OSBPL10: variants seen among roughly 807,000 people sequenced by gnomAD.
The protein encoded by OSBPL10 is oxysterol binding protein like 10, also known as oxysterol-binding protein-related protein 10.
Under a neutral mutation model 81.7 loss-of-function variants are expected in OSBPL10, and 49 were observed. The ratio of observed to expected loss-of-function variants is 0.60; its 90% CI spans 0.48 to 0.76. OSBPL10 has a LOEUF of 0.76. Among genes scored for constraint, OSBPL10 ranks in the 30% least tolerant of loss-of-function variants. The pLI, the probability that OSBPL10 is intolerant of heterozygous loss-of-function variation, is 0.00. For missense variants in OSBPL10, 923 were observed against 987.8 expected (o/e 0.93, Z 0.88); for synonymous variants, 419 against 383.6 (o/e 1.09, Z -1.08).
chr3:31,870,420 G>C (rs767741183), intron 3 of OSBPL10, among the ~76,000 whole-genome samples: 4 of 152,340 alleles, frequency 2.6e-5, no homozygotes, highest in South Asian at 2.1e-4. Context: ...GCTCCTGTGC[G>C]GCCCGAGCCT....
chr3:31,746,804 C>G (rs1192384340), intron 5 of OSBPL10, among the ~76,000 whole-genome samples: 1 of 140,316 alleles, frequency 7.1e-6, no homozygotes, highest in African/African-American at 2.7e-5. Flanking sequence ...AGGGGAACAT[C>G]ACACTCCGGG....
chr3:31,737,467 C>A (rs922808766), intron 5 of OSBPL10, among the ~76,000 whole-genome samples: 7 of 151,964 alleles, frequency 4.6e-5, no homozygotes, highest in Non-Finnish European at 1.0e-4. Context: ...CTCTATGAAA[C>A]AAGAACAGAA....
At chr3:32,070,704 G>T (rs992479419) in intron 1 of OSBPL10, among the ~76,000 whole-genome samples, 1 of 152,168 alleles carries the variant, frequency 6.6e-6, no homozygotes, top group Admixed American at 6.5e-5. Flanking sequence ...AAGTCTTACA[G>T]GTTAGTTCAG....
chr3:31,870,725 C>T, intron 3 of OSBPL10, among the ~76,000 whole-genome samples: 1 of 152,092 alleles, frequency 6.6e-6, no homozygotes, highest in East Asian at 1.9e-4. Flanking sequence ...CACCAATCCA[C>T]ACTCTGTATT....
At chr3:31,787,791 C>T (rs1042279000) in intron 4 of OSBPL10, among the ~76,000 whole-genome samples, 1 of 152,024 alleles carries the variant, frequency 6.6e-6, no homozygotes, top group African/African-American at 2.4e-5. Context: ...TACATGCCTT[C>T]TAGGTGCAGT....
At chr3:31,676,803 C>G (rs1428360360) in intron 8 of OSBPL10, among the ~76,000 whole-genome samples, 2 of 152,258 alleles carry the variant, frequency 1.3e-5, no homozygotes, top group Non-Finnish European at 2.9e-5. Context: ...CGCCCCTCAG[C>G]TCCACAGCGG....
At chr3:31,737,234 A>T (rs1697204647) in intron 5 of OSBPL10, among the ~76,000 whole-genome samples, 1 of 152,206 alleles carries the variant, frequency 6.6e-6, no homozygotes, top group Non-Finnish European at 1.5e-5. Flanking sequence ...GCTTTTAAAA[A>T]GTGATCATGG....
intron 1 of OSBPL10, among the ~76,000 whole-genome samples, chr3:31,964,167 C>T (rs1027603780): frequency 2.4e-4 from 36 of 151,524 alleles, no homozygotes; most frequent in African/African-American, 7.7e-4. Flanking sequence ...TTTTGTTGTT[C>T]ATTGTTTGAT....
At chr3:31,977,966 T>C (rs1348463106) in intron 1 of OSBPL10, among the ~76,000 whole-genome samples, 1 of 152,204 alleles carries the variant, frequency 6.6e-6, no homozygotes, top group Non-Finnish European at 1.5e-5. Flanking sequence ...CTCTGTGACC[T>C]CTCTTTATGT....
At chr3:31,773,518 G>T (rs1343356120) in intron 4 of OSBPL10, among the ~76,000 whole-genome samples, 2 of 152,198 alleles carry the variant, frequency 1.3e-5, no homozygotes, top group African/African-American at 4.8e-5. Flanking sequence ...ACATGTTTGT[G>T]CCTATCGTTG....
intron 2 of OSBPL10, among the ~76,000 whole-genome samples, chr3:32,016,946 C>G (rs1161026808): frequency 2.0e-5 from 3 of 152,182 alleles, no homozygotes; most frequent in Non-Finnish European, 4.4e-5. Context: ...CTATTATCTT[C>G]ATGTGATAAT....
intron 2 of OSBPL10, 77 bp downstream of exon 2, chr3:31,879,578 A>C: frequency 6.8e-7 from 1 of 1,471,702 alleles, no homozygotes; most frequent in Non-Finnish European, 9.1e-7. Context: ...TTAAAAAAAC[A>C]AAAAATCAAA....
intron 4 of OSBPL10, among the ~76,000 whole-genome samples, chr3:31,824,875 T>C (rs1055096247): frequency 4.6e-5 from 7 of 152,218 alleles, no homozygotes; most frequent in Non-Finnish European, 1.0e-4. Flanking sequence ...TTAAGCCTTC[T>C]TGTACGCTCA....
intron 2 of OSBPL10, 113 bp downstream of exon 2, chr3:31,879,542 A>T (rs1303211096): frequency 4.3e-6 from 5 of 1,169,814 alleles, no homozygotes; most frequent in East Asian, 5.1e-5. Context: ...AGAGTCCTCC[A>T]AACACAGCAA....
intron 1 of OSBPL10, among the ~76,000 whole-genome samples, chr3:31,967,307 G>C (rs1490874195): frequency 6.6e-6 from 1 of 151,998 alleles, no homozygotes; most frequent in Admixed American, 6.6e-5. Flanking sequence ...CCATTGCCAG[G>C]GCTGGTCTCA....
At chr3:31,906,336 G>T (rs1213541841) in intron 1 of OSBPL10, among the ~76,000 whole-genome samples, 1 of 152,082 alleles carries the variant, frequency 6.6e-6, no homozygotes, top group Non-Finnish European at 1.5e-5. Flanking sequence ...GAGTATCTCT[G>T]CCAATTAAAC....
intron 3 of OSBPL10, among the ~76,000 whole-genome samples, chr3:31,835,462 G>T (rs774621810): frequency 3.6e-4 from 55 of 152,242 alleles, no homozygotes; most frequent in Middle Eastern, 3.4e-3. Context: ...AGGGAAGGGG[G>T]TTTAAGATTT....
At chr3:31,726,739 G>A (rs1696819300) in intron 6 of OSBPL10, among the ~76,000 whole-genome samples, 1 of 152,086 alleles carries the variant, frequency 6.6e-6, no homozygotes, top group Non-Finnish European at 1.5e-5. Flanking sequence ...TAAACAGGAG[G>A]AGGAATGGAA....
At chr3:31,989,041 T>A (rs746328972) in intron 2 of OSBPL10, 4 of 1,610,822 alleles carry the variant, frequency 2.5e-6, no homozygotes, top group Non-Finnish European at 3.4e-6. Context: ...ATCGCCTCAG[T>A]GAAGGTCACA....
Sources: gnomAD v4.1 joint callset for allele counts (sites outside exome capture counted in the v4.1 genomes callset) on GRCh38, gnomAD v4.1.1 for gene constraint, MANE v1.5 for transcripts, NCBI Gene and HGNC (gene_info 2026-07-23, HGNC 2026-07-21) for gene names.